PRKDC: variants seen among roughly 807,000 people sequenced by gnomAD.
The protein encoded by PRKDC is protein kinase, DNA-activated, catalytic subunit, also known as DNA-dependent protein kinase catalytic subunit.
A neutral mutation model predicts 486.9 loss-of-function variants in PRKDC; 82 were observed. That is an observed-to-expected ratio of 0.17 (90% CI 0.14 to 0.20). The LOEUF is 0.20. PRKDC is among the 10% of genes least tolerant of loss of function. The pLI, the probability that PRKDC is intolerant of heterozygous loss-of-function variation, is 1.00. For missense variants in PRKDC, 4,504 were observed against 5,038.2 expected (o/e 0.89, Z 3.21); for synonymous variants, 1,895 against 1,837.0 (o/e 1.03, Z -0.81).
chr8:47,786,375 G>A (rs996418586), intron 76 of PRKDC, among the ~76,000 whole-genome samples: 3 of 152,182 alleles, frequency 2.0e-5, no homozygotes, highest in Non-Finnish European at 2.9e-5. Flanking sequence ...TCATGCCACC[G>A]CACTCCAGCC....
chr8:47,945,625 C>T (rs765557517), intron 7 of PRKDC, among the ~76,000 whole-genome samples: 1 of 152,196 alleles, frequency 6.6e-6, no homozygotes, highest in Non-Finnish European at 1.5e-5. Context: ...TGTCTACGTG[C>T]CATATTTTGC....
rs2086707112 is a variant in PRKDC at position 47,782,034 on chromosome 8, T to G, written c.11489+128A>C. 3 of 713,046 alleles carry G rather than the reference T, an allele frequency of 4.2e-6. No individual in the cohort carries two copies. The African/African-American group carries it at 5.3e-5, about 13-fold the overall frequency. The allele number at this position is 713,046 out of a possible 1,614,324, so 44.2% of individuals were successfully genotyped here. ...GCAGCCAGCACTCCATTTGGTTTATTGACCCAGCCAGCAGACTGCGGGGCA... is the reference window on the plus strand; with the variant it reads ...GCAGCCAGCACTCCATTTGGTTTATGGACCCAGCCAGCAGACTGCGGGGCA... On this transcript the variant is annotated intron_variant, in intron 80 of 85. Transcript: ENST00000314191. This position sits in a 1 kb window ranked among gnomAD's most constrained non-coding sequence, Gnocchi z 4.9.
At chr8:47,861,070 T>C (rs2088666777) in intron 44 of PRKDC, 99 bp from the exon 45 acceptor site, 1 of 847,760 alleles carries the variant, frequency 1.2e-6, no homozygotes, top group Admixed American at 3.4e-5. Flanking sequence ...ATTATAAATT[T>C]TTAAACAAAA....
At chr8:47,888,282 T>C (rs1370372935) in intron 34 of PRKDC, among the ~76,000 whole-genome samples, 1 of 152,192 alleles carries the variant, frequency 6.6e-6, no homozygotes, top group Non-Finnish European at 1.5e-5. Context: ...AATACCTAAA[T>C]GTCCTTTATT....
At chr8:47,882,244 T>C (rs2089236306) in intron 36 of PRKDC, 147 bp from the exon 37 acceptor site, 1 of 792,546 alleles carries the variant, frequency 1.3e-6, no homozygotes, top group Non-Finnish European at 1.9e-6. Flanking sequence ...CTCCTCGAGT[T>C]TGATTTGAGG....
intron 64 of PRKDC, 40 bp downstream of exon 64, chr8:47,823,818 G>A (rs146826673): frequency 7.5e-5 from 121 of 1,607,304 alleles, no homozygotes; most frequent in Non-Finnish European, 9.9e-5. Flanking sequence ...AAACAAAAGT[G>A]TTGAAGTAAA....
At position 47,821,768 on chromosome 8, in the gene PRKDC, C is replaced by T; in HGVS notation, c.8947G>A (p.Asp2983Asn). The T allele has an allele frequency of 6.4e-7, 1 of 1,572,518 alleles. No individual in the cohort carries two copies. Among genetic ancestry groups the T allele is most frequent in the Non-Finnish European group, 8.6e-7 (1 of 1,165,188 alleles). The change falls in exon 65 of 86, where the codon GAT becomes AAT. Residue 2983 changes from aspartate (D) to asparagine (N), a missense_variant. Asp to Asn is a conservative substitution (Grantham distance 23). Transcript: ENST00000314191. ...TTCTCGGCTTCTGTGGGCTCACCAT[C>T]TACCCAGTCTTGTTTATTGAGAGCC... The part of the protein sequence containing the change: ...DEALNKQDWV[D>N]GEPTEAEKDF...
At chr8:47,793,438 G>A (rs1200177127) in intron 74 of PRKDC, among the ~76,000 whole-genome samples, 2 of 151,936 alleles carry the variant, frequency 1.3e-5, no homozygotes, top group African/African-American at 4.8e-5. Context: ...TCAGGAGTTC[G>A]AGACCAGCCT....
chr8:47,844,686 C>T (rs1038915474), intron 54 of PRKDC, among the ~76,000 whole-genome samples: 2 of 152,092 alleles, frequency 1.3e-5, no homozygotes, highest in African/African-American at 2.4e-5. Flanking sequence ...TCATACCAAG[C>T]ACACACTCAG....
At chr8:47,955,738 C>A (rs2090690445) in intron 4 of PRKDC, 136 bp downstream of exon 4, 1 of 626,682 alleles carries the variant, frequency 1.6e-6, no homozygotes, top group East Asian at 2.9e-5. Context: ...GGAGAATGTG[C>A]ATCTTACCCA....
intron 19 of PRKDC, among the ~76,000 whole-genome samples, chr8:47,928,398 C>G (rs1485162804): frequency 6.6e-6 from 1 of 152,012 alleles, no homozygotes; most frequent in African/African-American, 2.4e-5. Context: ...AGTGATCCAC[C>G]CACCTTGGCC....
At chr8:47,959,891 CAG>C in intron 1 of PRKDC, 80 bp downstream of exon 1, 1 of 1,500,148 alleles carries the variant, frequency 6.7e-7, no homozygotes, top group Non-Finnish European at 8.9e-7. Flanking sequence ...CATCTAAACA[CAG>C]AGAAGCGCCG....
chr8:47,921,928 G>A (rs1259052184), intron 21 of PRKDC, among the ~76,000 whole-genome samples: 1 of 151,912 alleles, frequency 6.6e-6, no homozygotes, highest in Non-Finnish European at 1.5e-5. Flanking sequence ...TTACAGGTGT[G>A]TGCCACCACA....
chr8:47,782,066 G>T lies in PRKDC; in HGVS notation c.11489+96C>A. On this transcript the variant is annotated intron_variant, in intron 80 of 85. Coordinates refer to ENST00000314191, the MANE Select transcript of PRKDC (RefSeq NM_006904.7). The surrounding 1 kb of genome is among the most constrained non-coding windows in gnomAD (Gnocchi z 4.9). The stretch of plus-strand genomic sequence containing the variant: ...GCCAGCAGACTGCGGGGCAGGCAGT[G>T]TGGGCTCTCGAGCGCGCCTGTCACG... The T allele has an allele frequency of 9.4e-7, 1 of 1,058,750 alleles. No homozygotes were observed. Among genetic ancestry groups the T allele is most frequent in the Non-Finnish European group, 1.4e-6 (1 of 701,740 alleles). 65.6% of individuals were successfully genotyped at this position (1,058,750 alleles called of 1,614,324 possible).
chr8:47,822,199 G>A (rs566705905), intron 64 of PRKDC, among the ~76,000 whole-genome samples: 3 of 150,946 alleles, frequency 2.0e-5, no homozygotes, highest in East Asian at 2.0e-4. Context: ...AGGCTGAGGT[G>A]AGAAGATCAC....
At chr8:47,819,278 A>T in intron 67 of PRKDC, 124 bp downstream of exon 67, 1 of 591,670 alleles carries the variant, frequency 1.7e-6, no homozygotes, top group Non-Finnish European at 2.9e-6. Context: ...TTGTAGAGGA[A>T]ATTCGATGGA....
chr8:47,928,836 C>T (rs536992954), intron 19 of PRKDC, among the ~76,000 whole-genome samples: 3 of 152,172 alleles, frequency 2.0e-5, no homozygotes, highest in East Asian at 1.9e-4. Flanking sequence ...GGATTACAGG[C>T]GTGCACCACC....
intron 40 of PRKDC, among the ~76,000 whole-genome samples, chr8:47,876,349 T>A (rs576946912): frequency 6.6e-6 from 1 of 152,232 alleles, no homozygotes; most frequent in African/African-American, 2.4e-5. Flanking sequence ...AGCCATGGCA[T>A]CAAACCCTTA....
intron 10 of PRKDC, 86 bp downstream of exon 10, chr8:47,943,123 T>G (rs1179569580): frequency 8.4e-6 from 12 of 1,435,872 alleles, no homozygotes; most frequent in African/African-American, 1.4e-5. Context: ...CAACTTGTAT[T>G]TATTTTCAAA....
Sources: gnomAD v4.1 joint callset for allele counts (sites outside exome capture counted in the v4.1 genomes callset) on GRCh38, gnomAD v4.1.1 for gene constraint, Gnocchi (gnomAD v3.1) non-coding constraint, MANE v1.5 for transcripts, NCBI Gene and HGNC (gene_info 2026-07-23, HGNC 2026-07-21) for gene names.